The following MEI4 variants were observed in gnomAD, a reference collection of about 807,000 sequenced individuals.
MEI4 encodes the protein meiotic double-stranded break formation protein 4, also known as meiosis-specific protein MEI4.
A neutral mutation model predicts 31.4 loss-of-function variants in MEI4; 27 were observed. The ratio of observed to expected loss-of-function variants is 0.86; its 90% CI spans 0.63 to 1.19. The LOEUF (loss-of-function observed/expected upper bound fraction) is 1.19. Ranked by LOEUF, MEI4 falls within the 50% of genes most tolerant of loss-of-function variation. MEI4 has a pLI of 0.00. For missense variants in MEI4, 329 were observed against 398.9 expected (o/e 0.82, Z 1.49); for synonymous variants, 122 against 145.4 (o/e 0.84, Z 1.16).
intron 4 of MEI4, among the ~76,000 whole-genome samples, chr6:77,919,038 C>T (rs547974193): frequency 1.3e-5 from 2 of 152,076 alleles, no homozygotes; most frequent in Admixed American, 1.3e-4. Context: ...GACTCCCACA[C>T]ATTAATAATG....
intron 2 of MEI4, among the ~76,000 whole-genome samples, chr6:77,754,201 T>C (rs964249052): frequency 5.9e-5 from 9 of 152,204 alleles, no homozygotes; most frequent in Admixed American, 5.2e-4. Flanking sequence ...TGAATACCTA[T>C]GTAACAAACC....
chr6:77,733,393 A>G (rs182519355), intron 2 of MEI4, among the ~76,000 whole-genome samples: 125 of 152,136 alleles, frequency 8.2e-4, no homozygotes, highest in Non-Finnish European at 1.4e-3. Context: ...CATTTCTTCT[A>G]GATTTTCTGG....
At chr6:77,728,369 A>G (rs1004010028) in intron 2 of MEI4, among the ~76,000 whole-genome samples, 2 of 152,146 alleles carry the variant, frequency 1.3e-5, no homozygotes, top group Middle Eastern at 3.4e-3. Flanking sequence ...ATGTATAAAG[A>G]TACTACACAT....
intron 3 of MEI4, among the ~76,000 whole-genome samples, chr6:77,808,537 A>G (rs1424832517): frequency 6.6e-6 from 1 of 152,164 alleles, no homozygotes; most frequent in Admixed American, 6.5e-5. Context: ...GGAGAGGACT[A>G]GGATTGGTCC....
intron 1 of MEI4, among the ~76,000 whole-genome samples, chr6:77,671,245 A>G (rs2127645740): frequency 6.6e-6 from 1 of 152,032 alleles, no homozygotes; most frequent in East Asian, 1.9e-4. Flanking sequence ...ACTTTAGTAG[A>G]GATGGGGTTT....
rs577001936 is a variant in MEI4, at chr6:77,874,883, G to A, written c.900+45821G>A. ...GATAATCATGTGGTTTTTGTCTTTG[G>A]TTCTGTTTATATGCTGGATTACATT... On this transcript the variant is annotated intron_variant, in intron 4 of 4. Transcript: ENST00000684080. Among the ~76,000 whole-genome samples the A allele has an allele frequency of 1.1e-4, 16 of 152,198 alleles. No individual in the cohort carries two copies. The South Asian group carries it at 1.7e-3, about 16-fold the overall frequency.
intron 2 of MEI4, among the ~76,000 whole-genome samples, chr6:77,753,888 T>C (rs1454922740): frequency 6.6e-6 from 1 of 152,166 alleles, no homozygotes; most frequent in Non-Finnish European, 1.5e-5. Context: ...AAAGAAAATG[T>C]GGCACATATA....
intron 1 of MEI4, among the ~76,000 whole-genome samples, chr6:77,672,903 A>G (rs1226451525): frequency 6.6e-6 from 1 of 152,258 alleles, no homozygotes; most frequent in Non-Finnish European, 1.5e-5. Flanking sequence ...TAATGAATGT[A>G]TGAAAGTATG....
intron 2 of MEI4, among the ~76,000 whole-genome samples, chr6:77,756,702 A>G (rs557606114): frequency 3.9e-4 from 50 of 128,642 alleles, no homozygotes; most frequent in Admixed American, 2.6e-3. Context: ...CTCTATTTCT[A>G]TTTCTGTCCT....
intron 3 of MEI4, among the ~76,000 whole-genome samples, chr6:77,764,799 A>C (rs1768127358): frequency 6.6e-6 from 1 of 152,326 alleles, no homozygotes; most frequent in South Asian, 2.1e-4. Context: ...ATACAACAAC[A>C]ATAGGTAAAA....
intron 3 of MEI4, among the ~76,000 whole-genome samples, chr6:77,826,779 A>C (rs60221751): frequency 0.23 from 34,647 of 152,076 alleles, 4,717 homozygotes; most frequent in African/African-American, 0.38. Flanking sequence ...CTTCTGGAAC[A>C]ACAGCACTGT....
At chr6:77,753,166 C>CTATTT (rs1054952542) in intron 2 of MEI4, among the ~76,000 whole-genome samples, 2 of 152,156 alleles carry the variant, frequency 1.3e-5, no homozygotes, top group Admixed American at 1.3e-4. Context: ...AAAACCTAGG[C>CTATTT]AATACCATTC....
At chr6:77,758,325 C>T (rs147152661) in intron 2 of MEI4, among the ~76,000 whole-genome samples, 25 of 152,248 alleles carry the variant, frequency 1.6e-4, no homozygotes, top group African/African-American at 6.0e-4. Flanking sequence ...TGATAATTAG[C>T]AAGCACATGT....
chr6:77,837,850 T>C (rs1476685309), intron 4 of MEI4, among the ~76,000 whole-genome samples: 1 of 152,198 alleles, frequency 6.6e-6, no homozygotes, highest in Non-Finnish European at 1.5e-5. Context: ...TTAGTGATTT[T>C]TTAAAAGGTG....
At chr6:77,913,374 A>G (rs1220022617) in intron 4 of MEI4, among the ~76,000 whole-genome samples, 1 of 152,134 alleles carries the variant, frequency 6.6e-6, no homozygotes, top group Non-Finnish European at 1.5e-5. Context: ...GTTATTCTTT[A>G]TAAGTTTGGT....
chr6:77,696,822 A>G (rs1766058763), intron 2 of MEI4, among the ~76,000 whole-genome samples: 1 of 152,096 alleles, frequency 6.6e-6, no homozygotes, highest in Non-Finnish European at 1.5e-5. Context: ...ATTGATTGGA[A>G]TAGTTTCAGA....
At chr6:77,701,807 T>A (rs1355911524) in intron 2 of MEI4, among the ~76,000 whole-genome samples, 1 of 152,144 alleles carries the variant, frequency 6.6e-6, no homozygotes, top group Non-Finnish European at 1.5e-5. Context: ...AGGGCACTTG[T>A]ATAGAGTGCT....
chr6:77,731,943 T>A (rs1195047481), intron 2 of MEI4, among the ~76,000 whole-genome samples: 4 of 149,110 alleles, frequency 2.7e-5, no homozygotes, highest in African/African-American at 2.5e-5. Flanking sequence ...GTTGTACATA[T>A]GCGGCATTAT....
At chr6:77,651,027 C>G (rs547222299), upstream of MEI4, among the ~76,000 whole-genome samples, 4 of 152,276 alleles carry the variant, frequency 2.6e-5, no homozygotes, top group East Asian at 1.9e-4. Context: ...GGTCTTTTGT[C>G]TCAAGGACCT....
Sources: gnomAD v4.1 joint callset for allele counts (sites outside exome capture counted in the v4.1 genomes callset) on GRCh38, gnomAD v4.1.1 for gene constraint, MANE v1.5 for transcripts, NCBI Gene and HGNC (gene_info 2026-07-23, HGNC 2026-07-21) for gene names.